The following FBXO28 variants were observed in gnomAD, a reference collection of about 807,000 sequenced individuals.
FBXO28 encodes the protein F-box only protein 28.
In FBXO28, 8 loss-of-function variants were observed where a neutral mutation model predicts 38.1. That is an observed-to-expected ratio of 0.21 (90% CI 0.12 to 0.38). The LOEUF (loss-of-function observed/expected upper bound fraction) is 0.38. Ranked by LOEUF, FBXO28 falls within the 10% of genes least tolerant of loss-of-function variation. The pLI is 1.00. For missense variants in FBXO28, 345 were observed against 460.6 expected (o/e 0.75, Z 2.30); for synonymous variants, 168 against 173.8 (o/e 0.97, Z 0.26).
intron 1 of FBXO28, among the ~76,000 whole-genome samples, chr1:224,118,055 C>A (rs556508983): frequency 2.6e-5 from 4 of 151,134 alleles, no homozygotes; most frequent in Non-Finnish European, 2.9e-5. Flanking sequence ...ACAGGGTCTC[C>A]CTCTGTCGCC....
chr1:224,127,086 C>T (rs1002240211), intron 1 of FBXO28, among the ~76,000 whole-genome samples: 2 of 151,630 alleles, frequency 1.3e-5, no homozygotes, highest in Non-Finnish European at 2.9e-5. Context: ...GACTGGGGCA[C>T]TGGTTCTCAA....
chr1:224,132,618 C>T (rs1402287162), intron 2 of FBXO28, among the ~76,000 whole-genome samples: 2 of 152,040 alleles, frequency 1.3e-5, no homozygotes, highest in African/African-American at 4.8e-5. Flanking sequence ...CCAGCCTAGG[C>T]AACATGGTGA....
chr1:224,158,363 T>C lies in FBXO28; in HGVS notation c.*617T>C, dbSNP rs1360371380. 2.8e-5 allele frequency: 10 copies of C among 353,734 alleles called. No homozygotes were observed. Among genetic ancestry groups the C allele is most frequent in the East Asian group, 3.3e-4 (2 of 6,028 alleles). The allele number at this position is 353,734 out of a possible 1,614,324, so 21.9% of individuals were successfully genotyped here. On this transcript the variant is annotated 3_prime_UTR_variant, in exon 5 of 5. Coordinates refer to ENST00000366862, the MANE Select transcript of FBXO28 (RefSeq NM_015176.4). Reference sequence around the variant, plus strand: ...TGGCAAGGAACTTACCCAGCTGTTATACATGTTTTCAGTTCTCTTTGGGGG... The same window carrying C: ...TGGCAAGGAACTTACCCAGCTGTTACACATGTTTTCAGTTCTCTTTGGGGG...
chr1:224,132,966 A>C (rs1236400365), intron 2 of FBXO28, among the ~76,000 whole-genome samples: 1 of 152,218 alleles, frequency 6.6e-6, no homozygotes, highest in Non-Finnish European at 1.5e-5. Context: ...CATTATTCAT[A>C]ATAGCCAAAA....
chr1:224,120,021 TC>T (rs1271335642), intron 1 of FBXO28, among the ~76,000 whole-genome samples: 4 of 152,164 alleles, frequency 2.6e-5, no homozygotes, highest in African/African-American at 7.2e-5. Context: ...CAAAACAACT[TC>T]CGTCTCGTAT....
At chr1:224,134,319 G>A in intron 3 of FBXO28, 107 bp downstream of exon 3, 1 of 1,030,366 alleles carries the variant, frequency 9.7e-7, no homozygotes, top group Non-Finnish European at 1.4e-6. Context: ...CTACTTCTCT[G>A]AGTTTCTACT....
intron 3 of FBXO28, among the ~76,000 whole-genome samples, chr1:224,149,769 G>A (rs1657597460): frequency 6.6e-6 from 1 of 152,188 alleles, no homozygotes; most frequent in Non-Finnish European, 1.5e-5. Flanking sequence ...GGGGAATAAA[G>A]GGTTGGATGA....
chr1:224,137,118 G>A (rs1032129096), intron 3 of FBXO28, among the ~76,000 whole-genome samples: 1 of 151,758 alleles, frequency 6.6e-6, no homozygotes, highest in African/African-American at 2.4e-5. Context: ...CATTCATTTT[G>A]TCAAACTTAA....
chr1:224,136,698 A>G (rs1306515685), intron 3 of FBXO28, among the ~76,000 whole-genome samples: 1 of 151,328 alleles, frequency 6.6e-6, no homozygotes, highest in Non-Finnish European at 1.5e-5. Context: ...ACTGCACTCC[A>G]GCCTGGGCGA....
At chr1:224,128,293 G>A (rs993428617) in intron 1 of FBXO28, among the ~76,000 whole-genome samples, 8 of 149,570 alleles carry the variant, frequency 5.3e-5, no homozygotes, top group Admixed American at 1.4e-4. Context: ...GTACTGCAAC[G>A]TCTACCCCAT....
intron 3 of FBXO28, among the ~76,000 whole-genome samples, chr1:224,144,716 C>G (rs1657455433): frequency 6.6e-6 from 1 of 150,586 alleles, no homozygotes; most frequent in African/African-American, 2.4e-5. Flanking sequence ...GAGATCGTGC[C>G]ACCACTGCAC....
At chr1:224,121,126 A>G (rs1432832503) in intron 1 of FBXO28, among the ~76,000 whole-genome samples, 3 of 152,208 alleles carry the variant, frequency 2.0e-5, no homozygotes, top group Non-Finnish European at 4.4e-5. Context: ...TGAAGCCAGT[A>G]TGTAATTAAC....
At chr1:224,127,736 A>G (rs937489789) in intron 1 of FBXO28, among the ~76,000 whole-genome samples, 2 of 152,098 alleles carry the variant, frequency 1.3e-5, no homozygotes, top group Admixed American at 6.5e-5. Context: ...GTGAAACCCC[A>G]TCTCTACTTA....
intron 3 of FBXO28, among the ~76,000 whole-genome samples, chr1:224,146,976 G>A (rs1049442026): frequency 6.6e-6 from 1 of 151,550 alleles, no homozygotes; most frequent in Non-Finnish European, 1.5e-5. Flanking sequence ...AAAGTGCTGG[G>A]ATTACAGGCG....
rs1657838288 is a variant in FBXO28 at position 224,159,097 on chromosome 1, T to C, written c.*1351T>C. 1 of 152,638 alleles carries C rather than the reference T, an allele frequency of 6.6e-6. No homozygotes were observed. The highest frequency in any genetic ancestry group is 2.4e-5 in the African/African-American group (1 of 41,466). The allele number at this position is 152,638 out of a possible 1,614,324, so 9.5% of individuals were successfully genotyped here. A position where few individuals can be genotyped will look rare whatever the true frequency, so the allele number is the denominator to read the frequency against. On this transcript the variant is annotated 3_prime_UTR_variant, in exon 5 of 5. Coordinates refer to ENST00000366862, the MANE Select transcript of FBXO28 (RefSeq NM_015176.4). ...AGACATTCAATTATCACTGTCTTAGTTGTATTTTAATTTACTAAATTATGT... is the reference window on the plus strand; with the variant it reads ...AGACATTCAATTATCACTGTCTTAGCTGTATTTTAATTTACTAAATTATGT...
At chr1:224,142,314 T>A (rs1157915898) in intron 3 of FBXO28, among the ~76,000 whole-genome samples, 2 of 148,500 alleles carry the variant, frequency 1.3e-5, no homozygotes, top group Non-Finnish European at 3.0e-5. Flanking sequence ...ATTATGCCAT[T>A]GCATTCCAGC....
intron 1 of FBXO28, among the ~76,000 whole-genome samples, chr1:224,125,575 G>GT (rs1224770282): frequency 6.6e-6 from 1 of 151,494 alleles, no homozygotes; most frequent in Admixed American, 6.6e-5. Context: ...AAGATGGGTG[G>GT]TCTTTTCCTT....
chr1:224,148,945 A>C (rs1037883208), intron 3 of FBXO28, among the ~76,000 whole-genome samples: 3 of 152,118 alleles, frequency 2.0e-5, no homozygotes, highest in Non-Finnish European at 4.4e-5. Context: ...TTGCTTATAC[A>C]TTGAACTTAT....
In FBXO28 at chr1:224,160,799, A is replaced by G. The variant is rs1215065571; in HGVS notation, c.*3053A>G. The G allele has an allele frequency of 2.0e-5, 3 of 152,282 alleles. No individual in the cohort carries two copies. The highest frequency in any genetic ancestry group is 3.9e-4 in the East Asian group (2 of 5,184). The allele number at this position is 152,282 out of a possible 1,614,324, so 9.4% of individuals were successfully genotyped here. The stretch of plus-strand genomic sequence containing the variant: ...GCCTTAATCTCTATTTAGTAGTTTC[A>G]AGATATATGCGCAATTATTCTACGT... On this transcript the variant is annotated 3_prime_UTR_variant, in exon 5 of 5. Transcript: ENST00000366862.
Sources: allele counts gnomAD v4.1 joint callset (sites outside exome capture counted in the v4.1 genomes callset), GRCh38; gene constraint gnomAD v4.1.1; transcripts MANE v1.5; gene names NCBI Gene and HGNC (gene_info 2026-07-23, HGNC 2026-07-21).